Variants in GALNTL5 observed in about 807,000 individuals in gnomAD.
The protein encoded by GALNTL5 is inactive polypeptide N-acetylgalactosaminyltransferase-like protein 5.
A neutral mutation model predicts 51.0 loss-of-function variants in GALNTL5; 44 were observed. The ratio of observed to expected loss-of-function variants is 0.86; its 90% CI spans 0.68 to 1.11. The LOEUF is 1.11. Among genes scored for constraint, GALNTL5 ranks in the 50% least tolerant of loss-of-function variants. The pLI is 0.00. For synonymous variants in GALNTL5, 192 were observed against 182.8 expected, an observed-to-expected ratio of 1.05 and a Z score of -0.41; for missense variants, 528 against 531.8, an observed-to-expected ratio of 0.99 and a Z score of 0.07.
chr7:151,978,651 G>C (rs2081235615), intron 3 of GALNTL5, among the ~76,000 whole-genome samples: 1 of 152,176 alleles, frequency 6.6e-6, no homozygotes, highest in African/African-American at 2.4e-5. Flanking sequence ...CTCAGTTTTG[G>C]AGGCCAGAAA....
chr7:151,967,103 A>C (rs2081069831), intron 1 of GALNTL5, 105 bp from the exon 2 acceptor site: 2 of 650,744 alleles, frequency 3.1e-6, no homozygotes, highest in Non-Finnish European at 5.2e-6. Flanking sequence ...AAGGGCCATC[A>C]ACGTGATTGT....
At chr7:151,977,190 G>A (rs73728485) in intron 3 of GALNTL5, among the ~76,000 whole-genome samples, 4 of 152,066 alleles carry the variant, frequency 2.6e-5, no homozygotes, top group Admixed American at 2.0e-4. Context: ...ACAAAAATAG[G>A]ACTGAGAGAT....
intron 2 of GALNTL5, among the ~76,000 whole-genome samples, chr7:151,970,255 T>C (rs2081118367): frequency 6.6e-6 from 1 of 152,100 alleles, no homozygotes; most frequent in African/African-American, 2.4e-5. Context: ...ATCTCCCTAT[T>C]TCCATGTAGC....
At chr7:152,000,746 C>A (rs188452777) in intron 5 of GALNTL5, among the ~76,000 whole-genome samples, 1 of 152,104 alleles carries the variant, frequency 6.6e-6, no homozygotes, top group Non-Finnish European at 1.5e-5. Context: ...AAATCTCTTG[C>A]GCATTTTAAA....
chr7:151,984,371 G>C lies in GALNTL5; in HGVS notation c.535+1219G>C, dbSNP rs1164039272. On this transcript the variant is annotated intron_variant, in intron 4 of 8. Transcript: ENST00000392800. ...ATATTAAGTAAGTTTCAGGCTGAAA[G>C]TCAACCCAATCCACTCTAAATGTGA... Among the ~76,000 whole-genome samples, 3 of 152,164 alleles carry C rather than the reference G, an allele frequency of 2.0e-5. No homozygotes were observed. In the East Asian group the frequency reaches 5.8e-4, roughly 29 times the overall value.
intron 8 of GALNTL5, among the ~76,000 whole-genome samples, 170 bp from the exon 9 acceptor site, chr7:152,019,476 G>A (rs939919774): frequency 6.6e-6 from 1 of 152,200 alleles, no homozygotes; most frequent in African/African-American, 2.4e-5. Context: ...GTAAATCCGA[G>A]GTCCCATAGT....
chr7:151,969,143 A>G (rs539144612), intron 2 of GALNTL5, among the ~76,000 whole-genome samples: 3 of 152,206 alleles, frequency 2.0e-5, no homozygotes, highest in Non-Finnish European at 4.4e-5. Flanking sequence ...ATTTTTCATA[A>G]GTCCCCAAAA....
intron 6 of GALNTL5, among the ~76,000 whole-genome samples, chr7:152,006,923 G>A (rs7806478): frequency 0.47 from 71,457 of 151,506 alleles, 18,560 homozygotes; most frequent in African/African-American, 0.69. Flanking sequence ...GCGGGCAACT[G>A]CATCTGGCTA....
rs142237418 is a variant in GALNTL5, at chr7:151,973,723, C to T, written c.368+2658C>T. Among the ~76,000 whole-genome samples the T allele has an allele frequency of 5.6e-4, 86 of 152,296 alleles. No individual in the cohort carries two copies. The East Asian group carries it at 0.014, about 24-fold the overall frequency. ...TTAATGCTGGAATGAGTTAATACTT[C>T]GGGTGACTGTTGGGAAGGCGTGATT... On this transcript the variant is annotated intron_variant, in intron 3 of 8. Transcript: ENST00000392800.
intron 7 of GALNTL5, among the ~76,000 whole-genome samples, chr7:152,012,460 G>A (rs1450046615): frequency 6.6e-6 from 1 of 151,442 alleles, no homozygotes; most frequent in Non-Finnish European, 1.5e-5. Flanking sequence ...GCTGCTGTGG[G>A]AGTGTAAATT....
intron 5 of GALNTL5, among the ~76,000 whole-genome samples, chr7:151,990,450 G>A (rs2081412748): frequency 6.7e-6 from 1 of 149,912 alleles, no homozygotes. Flanking sequence ...GCGTGGTGGC[G>A]GGCGCCTGTA....
chr7:151,977,236 G>C (rs1302690406), intron 3 of GALNTL5, among the ~76,000 whole-genome samples: 1 of 152,076 alleles, frequency 6.6e-6, no homozygotes, highest in Non-Finnish European at 1.5e-5. Flanking sequence ...GGAAAGTCTA[G>C]TCAAATTAAG....
At position 151,983,163 on chromosome 7, in the gene GALNTL5, A is replaced by T. The variant is rs575727995; in HGVS notation, c.535+11A>T. On this transcript the variant is annotated intron_variant, in intron 4 of 8. Coordinates refer to ENST00000392800, the MANE Select transcript of GALNTL5 (RefSeq NM_145292.4). Reference sequence around the variant, plus strand: ...ACATGAGCAAAGTTGGTAAGATAGAACACTCATTATCTCATCTACTTTGTT... The same window carrying T: ...ACATGAGCAAAGTTGGTAAGATAGATCACTCATTATCTCATCTACTTTGTT... The T allele has an allele frequency of 1.2e-6, 2 of 1,601,122 alleles. No homozygotes were observed. The highest frequency in any genetic ancestry group is 2.7e-5 in the African/African-American group (2 of 74,722).
At chr7:151,994,217 G>A (rs1398264636) in intron 5 of GALNTL5, among the ~76,000 whole-genome samples, 1 of 152,200 alleles carries the variant, frequency 6.6e-6, no homozygotes, top group Non-Finnish European at 1.5e-5. Flanking sequence ...GGATCCTGTT[G>A]TGTGGGCAGG....
chr7:152,005,898 G>T (rs1223258933), intron 6 of GALNTL5, among the ~76,000 whole-genome samples: 2 of 152,098 alleles, frequency 1.3e-5, no homozygotes, highest in African/African-American at 4.8e-5. Flanking sequence ...ATCCTATATG[G>T]ATTCAATCAT....
At chr7:151,987,905 C>T (rs1463983223) in intron 5 of GALNTL5, among the ~76,000 whole-genome samples, 1 of 152,172 alleles carries the variant, frequency 6.6e-6, no homozygotes, top group Admixed American at 6.5e-5. Context: ...GACCGGGTGG[C>T]GCATCTCCAC....
intron 3 of GALNTL5, among the ~76,000 whole-genome samples, chr7:151,976,161 G>A (rs982614029): frequency 5.3e-5 from 8 of 152,142 alleles, no homozygotes; most frequent in African/African-American, 1.9e-4. Flanking sequence ...AGTTGTAAGT[G>A]GGGTATTGAA....
chr7:151,965,285 G>A (rs369559412), intron 1 of GALNTL5, among the ~76,000 whole-genome samples: 2 of 152,114 alleles, frequency 1.3e-5, no homozygotes, highest in South Asian at 2.1e-4. Flanking sequence ...GCCTCCAGAC[G>A]TGTTAAAATC....
chr7:151,979,784 C>G (rs2081256647), intron 3 of GALNTL5, among the ~76,000 whole-genome samples: 1 of 152,040 alleles, frequency 6.6e-6, no homozygotes, highest in Non-Finnish European at 1.5e-5. Flanking sequence ...CATACCACAG[C>G]AACATTTGTT....
Sources: gnomAD v4.1 joint callset for allele counts (sites outside exome capture counted in the v4.1 genomes callset) on GRCh38, gnomAD v4.1.1 for gene constraint, MANE v1.5 for transcripts, NCBI Gene and HGNC (gene_info 2026-07-23, HGNC 2026-07-21) for gene names.